Variants in PPHLN1 observed in about 807,000 individuals in gnomAD.
PPHLN1 encodes periphilin 1, also known as periphilin-1.
Under a neutral mutation model 51.3 loss-of-function variants are expected in PPHLN1, and 29 were observed. That is an observed-to-expected ratio of 0.57 (90% confidence interval 0.42 to 0.77). PPHLN1 has a LOEUF of 0.77. Among genes scored for constraint, PPHLN1 ranks in the 30% least tolerant of loss-of-function variants. PPHLN1 has a pLI of 0.00. For synonymous variants in PPHLN1, 147 were observed against 147.8 expected (o/e 0.99, Z 0.04); for missense variants, 436 against 438.4 (o/e 0.99, Z 0.05).
At chr12:42,371,346 G>A (rs1409827424) in intron 4 of PPHLN1, among the ~76,000 whole-genome samples, 1 of 151,862 alleles carries the variant, frequency 6.6e-6, no homozygotes, top group Non-Finnish European at 1.5e-5. Flanking sequence ...TTACACTCCT[G>A]GGCTCAAGCA....
At chr12:42,431,326 C>T (rs774317023) in intron 9 of PPHLN1, among the ~76,000 whole-genome samples, 1 of 152,108 alleles carries the variant, frequency 6.6e-6, no homozygotes, top group Non-Finnish European at 1.5e-5. Flanking sequence ...CAAAAGCAGC[C>T]AGTGCTTTCA....
At chr12:42,374,607 A>ATTTTTT (rs35683626) in intron 4 of PPHLN1, 7 of 160,348 alleles carry the variant, frequency 4.4e-5, no homozygotes, top group South Asian at 9.2e-5. Flanking sequence ...CGCCCAGCTA[A>ATTTTTT]TTTTTTTTTT....
downstream of PPHLN1, chr12:42,448,568 T>C (rs2083391205): frequency 6.6e-6 from 1 of 152,222 alleles, no homozygotes; most frequent in African/African-American, 2.4e-5. Flanking sequence ...AATGTAGATA[T>C]TGTAAAGCTT....
intron 9 of PPHLN1, among the ~76,000 whole-genome samples, chr12:42,413,014 T>C (rs2080017564): frequency 6.6e-6 from 1 of 152,238 alleles, no homozygotes; most frequent in Non-Finnish European, 1.5e-5. Context: ...AGATTCTAGA[T>C]ATTAGTCCTT....
At chr12:42,346,802 G>GA (rs1470440860) in intron 2 of PPHLN1, among the ~76,000 whole-genome samples, 1 of 152,118 alleles carries the variant, frequency 6.6e-6, no homozygotes, top group Admixed American at 6.5e-5. Context: ...GGTGTGAGGG[G>GA]ATATCTCATA....
intron 4 of PPHLN1, chr12:42,374,634 T>TTA: frequency 3.3e-6 from 1 of 299,004 alleles, no homozygotes; most frequent in Non-Finnish European, 6.2e-6. Context: ...TTTTGTATTT[T>TTA]TAGTAGAGAT....
chr12:42,381,081 A>G (rs1304212817), intron 5 of PPHLN1, among the ~76,000 whole-genome samples: 1 of 152,208 alleles, frequency 6.6e-6, no homozygotes, highest in Non-Finnish European at 1.5e-5. Context: ...GTTACATCAT[A>G]TGGAGTCCCT....
In PPHLN1 at chr12:42,441,810, G is replaced by A; in HGVS notation, c.*301G>A. The A allele has an allele frequency of 4.6e-6, 5 of 1,093,310 alleles. 1 individual carries two copies. Among genetic ancestry groups the A allele is most frequent in the South Asian group, 7.8e-5 (2 of 25,664 alleles). The allele number at this position is 1,093,310 out of a possible 1,614,324, so 67.7% of individuals were successfully genotyped here. Reference sequence around the variant, plus strand: ...GTTGAGATTACAGGCGTGAGCCACCGCTCCCTGCCCAACACATATACCATC... The same window carrying A: ...GTTGAGATTACAGGCGTGAGCCACCACTCCCTGCCCAACACATATACCATC... On this transcript the variant is annotated 3_prime_UTR_variant, in exon 10 of 10. Transcript: ENST00000358314.
intron 1 of PPHLN1, among the ~76,000 whole-genome samples, chr12:42,330,523 G>A (rs2069550667): frequency 6.6e-6 from 1 of 152,202 alleles, no homozygotes; most frequent in East Asian, 1.9e-4. Flanking sequence ...GGAGAATGGT[G>A]ATGACTTTTA....
At chr12:42,328,583 C>G (rs2069159562) in intron 1 of PPHLN1, among the ~76,000 whole-genome samples, 1 of 152,168 alleles carries the variant, frequency 6.6e-6, no homozygotes, top group Non-Finnish European at 1.5e-5. Flanking sequence ...GTTAATTGAT[C>G]AATTATAATG....
chr12:42,336,177 A>G (rs1398649219), intron 2 of PPHLN1, among the ~76,000 whole-genome samples: 1 of 152,184 alleles, frequency 6.6e-6, no homozygotes, highest in African/African-American at 2.4e-5. Context: ...CTTATTATTT[A>G]TATTTCTTGT....
intron 9 of PPHLN1, among the ~76,000 whole-genome samples, chr12:42,405,071 CTT>C (rs2079174321): frequency 6.6e-6 from 1 of 152,096 alleles, no homozygotes; most frequent in Non-Finnish European, 1.5e-5. Flanking sequence ...TTTTGGGGGA[CTT>C]TGTGATTTTG....
chr12:42,347,004 GC>G (rs2072438300), intron 2 of PPHLN1: 1 of 152,154 alleles, frequency 6.6e-6, no homozygotes. Context: ...TCTCACCTTA[GC>G]CTCCCAAGTA....
chr12:42,400,539 C>T (rs551984025), intron 9 of PPHLN1: 14 of 151,746 alleles, frequency 9.2e-5, no homozygotes, highest in African/African-American at 2.9e-4. Flanking sequence ...AAGTGACCTT[C>T]GAGTAGTCCC....
chr12:42,354,102 A>G (rs2073752019), intron 3 of PPHLN1, among the ~76,000 whole-genome samples: 1 of 152,216 alleles, frequency 6.6e-6, no homozygotes, highest in Non-Finnish European at 1.5e-5. Flanking sequence ...AAATGATTAT[A>G]TTTTATTTAT....
intron 9 of PPHLN1, among the ~76,000 whole-genome samples, chr12:42,416,752 A>G (rs1383197585): frequency 4.1e-4 from 62 of 152,256 alleles, no homozygotes; most frequent in Admixed American, 4.0e-3. Context: ...CTGTCTTCAA[A>G]TAATGACTGA....
chr12:42,403,680 C>T (rs1285563717), intron 9 of PPHLN1, among the ~76,000 whole-genome samples: 2 of 152,164 alleles, frequency 1.3e-5, no homozygotes, highest in Non-Finnish European at 2.9e-5. Context: ...TAGAACCATA[C>T]TTAAAATGAT....
At chr12:42,396,621 A>G (rs1368836375) in intron 8 of PPHLN1, among the ~76,000 whole-genome samples, 42 of 49,778 alleles carry the variant, frequency 8.4e-4, no homozygotes, top group African/African-American at 2.0e-3. Context: ...ACTACAAAAA[A>G]AAAAAAAAAA....
In PPHLN1 at chr12:42,425,735, A is replaced by G. The variant is rs1002368619; in HGVS notation, c.910-15580A>G. 7.9e-5 allele frequency among the ~76,000 whole-genome samples: 12 copies of G among 152,360 alleles called. No homozygotes were observed. The South Asian group carries it at 2.3e-3, about 29-fold the overall frequency. ...TTATTTTTAAAAAGTTAATATGTGC[A>G]TCATGGGTAACAAAAAACACAGGAA... On this transcript the variant is annotated intron_variant, in intron 9 of 9. Transcript: ENST00000358314.
Sources: gnomAD v4.1 joint callset for allele counts (sites outside exome capture counted in the v4.1 genomes callset) on GRCh38, gnomAD v4.1.1 for gene constraint, MANE v1.5 for transcripts, NCBI Gene and HGNC (gene_info 2026-07-23, HGNC 2026-07-21) for gene names.